The following NEB variants were observed in gnomAD, a reference collection of about 807,000 sequenced individuals.
The protein encoded by NEB is nebulin.
A neutral mutation model predicts 952.2 loss-of-function variants in NEB; 512 were observed. The observed-to-expected ratio is 0.54, with a 90% CI of 0.50 to 0.58. The LOEUF (loss-of-function observed/expected upper bound fraction) is 0.58, where lower values mean the gene tolerates loss of function less well. Among genes scored for constraint, NEB ranks in the 20% least tolerant of loss-of-function variants. The probability of loss-of-function intolerance (pLI) is 0.00; values close to 1 mark genes in which losing one functional copy is unlikely to be tolerated. For missense variants in NEB, 8,428 were observed against 9,231.1 expected, an observed-to-expected ratio of 0.91 and a Z score of 3.56; for synonymous variants, 2,900 against 3,149.8, an observed-to-expected ratio of 0.92 and a Z score of 2.66.
intron 29 of NEB, among the ~76,000 whole-genome samples, chr2:151,681,195 T>G (rs2099411828): frequency 6.6e-6 from 1 of 152,202 alleles, no homozygotes; most frequent in Non-Finnish European, 1.5e-5. Flanking sequence ...TGGAGTGCCT[T>G]TGCATGGCAC....
intron 38 of NEB, among the ~76,000 whole-genome samples, chr2:151,670,429 ACAGACG>A (rs2099271352): frequency 9.5e-6 from 1 of 105,318 alleles, no homozygotes; most frequent in East Asian, 5.9e-4. Flanking sequence ...AAGAGTCCAT[ACAGACG>A]TGTCTCAGAA....
At chr2:151,702,987 G>T (rs2099682374) in intron 13 of NEB, among the ~76,000 whole-genome samples, 1 of 152,158 alleles carries the variant, frequency 6.6e-6, no homozygotes, top group African/African-American at 2.4e-5. Flanking sequence ...TGATTTTGCA[G>T]TGGCTGGTAC....
At chr2:151,658,751 G>A (rs926180543) in intron 47 of NEB, among the ~76,000 whole-genome samples, 1 of 152,026 alleles carries the variant, frequency 6.6e-6, no homozygotes. Context: ...CGAAATTCTA[G>A]GACTCTCATT....
rs1577253471 is a variant in NEB at position 151,709,737 on chromosome 2, G to A, written c.954C>T (p.Asn318=). Reference sequence around the variant, plus strand: ...GCATGAAGTAGATCTGGTCTTTCATGTTTTCAAAATCTTCCTGGTATTTCC... The same window carrying A: ...GCATGAAGTAGATCTGGTCTTTCATATTTTCAAAATCTTCCTGGTATTTCC... ...STRKYQEDFE[N]MKDQIYFMQT... is the part of the protein sequence containing the mutation. Residue 318 remains asparagine, a synonymous_variant, in exon 12 of 182, where the codon AAC becomes AAT. Coordinates refer to ENST00000397345, the MANE Select transcript of NEB (RefSeq NM_001164508.2). 1 of 1,603,432 alleles carries A rather than the reference G, an allele frequency of 6.2e-7. No individual in the cohort carries two copies. Among genetic ancestry groups the A allele is most frequent in the Non-Finnish European group, 8.5e-7 (1 of 1,174,244 alleles).
At chr2:151,531,185 G>C (rs538178591) in intron 144 of NEB, 84 bp from the exon 145 acceptor site, 1 of 879,250 alleles carries the variant, frequency 1.1e-6, no homozygotes, top group East Asian at 2.7e-5. Context: ...TTTTTCCTGA[G>C]TGAATATAAA....
At chr2:151,538,573 G>A (rs562184453) in intron 138 of NEB, among the ~76,000 whole-genome samples, 10 of 151,598 alleles carry the variant, frequency 6.6e-5, no homozygotes, top group South Asian at 6.3e-4. Flanking sequence ...GTACAATTTC[G>A]GTAAATCTAA....
At chr2:151,514,714 C>G in intron 158 of NEB, 104 bp downstream of exon 158, 1 of 833,312 alleles carries the variant, frequency 1.2e-6, no homozygotes, top group Non-Finnish European at 1.9e-6. Context: ...AATTTGAAAC[C>G]CACAGTTAGG....
chr2:151,492,785 C>T (rs1480650816), intron 176 of NEB: 2 of 245,390 alleles, frequency 8.2e-6, no homozygotes, highest in Admixed American at 1.0e-4. Context: ...GGAATTACAG[C>T]ATCAACATAT....
At chr2:151,548,230 T>C (rs1167719237) in intron 131 of NEB, 78 bp downstream of exon 131, 4 of 1,170,232 alleles carry the variant, frequency 3.4e-6, no homozygotes, top group Non-Finnish European at 5.1e-6. Flanking sequence ...TGAAATAAGA[T>C]TAATTCTTAA....
chr2:151,651,245 A>AG (rs1420581070), intron 52 of NEB, among the ~76,000 whole-genome samples: 3 of 152,218 alleles, frequency 2.0e-5, no homozygotes, highest in Non-Finnish European at 2.9e-5. Flanking sequence ...AGAGGTTATG[A>AG]TAAGAAATTA....
intron 124 of NEB, among the ~76,000 whole-genome samples, chr2:151,556,058 T>C (rs931309963): frequency 1.3e-5 from 2 of 152,220 alleles, no homozygotes; most frequent in African/African-American, 4.8e-5. Context: ...AAATCTTATC[T>C]ATAGTACTTT....
Position 151,514,931 on chromosome 2 carries a change from AATGTAAGTAGG to A in NEB, c.22906-14_22906-4del, listed in dbSNP as rs1559437794. The A allele has an allele frequency of 1.3e-6, 2 of 1,534,252 alleles. No homozygotes were observed. The highest frequency in any genetic ancestry group is 3.9e-5 in the Admixed American group (2 of 51,924). ...TCATAATCTTTCCTATATTCTTTCT[AATGTAAGTAGG>A]AAGGAAAGACAAGTTAAAAAAAAAT... is the stretch of plus-strand genomic sequence containing the variant. On this transcript the variant is annotated splice_region_variant and splice_polypyrimidine_tract_variant and intron_variant, in intron 157 of 181. Transcript: ENST00000397345.
chr2:151,685,003 T>A, intron 27 of NEB, 28 bp from the exon 28 acceptor site: 1 of 1,529,864 alleles, frequency 6.5e-7, no homozygotes, highest in African/African-American at 1.4e-5. Flanking sequence ...TCATTTATTA[T>A]CACAAATCCT....
chr2:151,607,442 T>C, intron 83 of NEB, 62 bp downstream of exon 83: 1 of 846,792 alleles, frequency 1.2e-6, no homozygotes, highest in South Asian at 1.5e-5. Flanking sequence ...ACTATAACAC[T>C]CTCCATGAGC....
At chr2:151,573,964 C>T (rs1321837566) in intron 107 of NEB, among the ~76,000 whole-genome samples, 1 of 151,624 alleles carries the variant, frequency 6.6e-6, no homozygotes, top group Non-Finnish European at 1.5e-5. Flanking sequence ...TCTGTTCTTA[C>T]TCTTTTTTGT....
At position 151,486,994 on chromosome 2, in the gene NEB, A is replaced by G. The variant is rs2051078716; in HGVS notation, c.25405-1061T>C. Among the ~76,000 whole-genome samples the G allele has an allele frequency of 2.6e-5, 4 of 152,208 alleles. No homozygotes were observed. The South Asian group carries it at 8.3e-4, about 31-fold the overall frequency. On this transcript the variant is annotated intron_variant, in intron 181 of 181. Transcript: ENST00000397345. ...ATGGAGATGGTTGGAAAAAAAGCTT[A>G]AAATCATTGTACACTTTATGAACTT...
chr2:151,565,225 A>G, intron 116 of NEB, 77 bp from the exon 117 acceptor site: 1 of 818,116 alleles, frequency 1.2e-6, no homozygotes. Context: ...AAACATAATC[A>G]GTCCACGTTT....
In NEB at chr2:151,654,039, C is replaced by T. The variant is rs777601721; in HGVS notation, c.6868G>A (p.Ala2290Thr). 2.5e-6 allele frequency: 4 copies of T among 1,612,532 alleles called. No individual in the cohort carries two copies. In the Admixed American group the frequency reaches 6.7e-5, roughly 27 times the overall value. The change falls in exon 52 of 182, where the codon GCA becomes ACA. Residue 2290 changes from alanine (A) to threonine (T), a missense_variant. By Grantham distance (58) the Ala-to-Thr change is moderately conservative (BLOSUM62 0). Around this residue, in one of 11 missense-constraint regions of NEB, gnomAD observed 2,851 missense variants for 2,791.5 expected, o/e 1.02. Coordinates refer to ENST00000397345, the MANE Select transcript of NEB (RefSeq NM_001164508.2). ...LKKGYDLPVDAISVQLAKASR... is the reference protein window; with the variant it reads ...LKKGYDLPVDTISVQLAKASR... ...GCTTTAGCTAGCTGTACAGAAATTG[C>T]ATCAACTGGGAGATCATAGCCTTTC...
At position 151,492,423 on chromosome 2, in the gene NEB, C is replaced by T. The variant is rs904158389; in HGVS notation, c.24837G>A (p.Met8279Ile). The T allele has an allele frequency of 6.2e-7, 1 of 1,611,436 alleles. No individual in the cohort carries two copies. Among genetic ancestry groups the T allele is most frequent in the Non-Finnish European group, 8.5e-7 (1 of 1,178,788 alleles). ...KAAYVLDTPEMRRVRETQRHI... is the reference protein window; with the variant it reads ...KAAYVLDTPEIRRVRETQRHI... ...GCCGTTGGGTCTCCCTCACCCGTCTCATCTCGGGGGTATCCAATACATAGG... is the reference window on the plus strand; with the variant it reads ...GCCGTTGGGTCTCCCTCACCCGTCTTATCTCGGGGGTATCCAATACATAGG... The change falls in exon 177 of 182, where the codon ATG (methionine) becomes ATA (isoleucine). Residue 8279 changes from methionine (M) to isoleucine (I), a missense_variant. Transcript: ENST00000397345.
Sources: gnomAD v4.1 joint callset for allele counts (sites outside exome capture counted in the v4.1 genomes callset) on GRCh38, gnomAD v4.1.1 for gene constraint, gnomAD v4.1.1 regional missense constraint, MANE v1.5 for transcripts, NCBI Gene and HGNC (gene_info 2026-07-23, HGNC 2026-07-21) for gene names.